Variants in SLCO1A2 observed in about 807,000 individuals in gnomAD.
SLCO1A2 encodes the protein solute carrier organic anion transporter family member 1A2, also known as OATP-1.
Under a neutral mutation model 69.0 loss-of-function variants are expected in SLCO1A2, and 67 were observed. The ratio of observed to expected loss-of-function variants is 0.97; its 90% CI spans 0.80 to 1.19. SLCO1A2 has a LOEUF of 1.19. Ranked by LOEUF, SLCO1A2 falls within the 50% of genes most tolerant of loss-of-function variation. The pLI is 0.00. For missense variants in SLCO1A2, 787 were observed against 793.7 expected, an observed-to-expected ratio of 0.99 and a Z score of 0.10; for synonymous variants, 260 against 265.9, an observed-to-expected ratio of 0.98 and a Z score of 0.22.
intron 1 of SLCO1A2, among the ~76,000 whole-genome samples, chr12:21,382,349 C>A (rs535534722): frequency 2.6e-5 from 4 of 151,864 alleles, no homozygotes; most frequent in South Asian, 2.1e-4. Context: ...TGAGAGGGGG[C>A]CAGGAATAAA....
intron 14 of SLCO1A2, chr12:21,274,033 G>T (rs4149005): frequency 0.28 from 42,310 of 152,438 alleles, 7,325 homozygotes; most frequent in African/African-American, 0.5. Flanking sequence ...TCAGCAAAAT[G>T]TAAAGAGGGA....
intron 11 of SLCO1A2, among the ~76,000 whole-genome samples, chr12:21,293,170 G>A (rs1947161619): frequency 6.6e-6 from 1 of 152,088 alleles, no homozygotes; most frequent in African/African-American, 2.4e-5. Flanking sequence ...GGGCATGGTG[G>A]CATGTGCCTG....
chr12:21,411,448 T>C (rs1435963215), intron 1 of SLCO1A2, among the ~76,000 whole-genome samples: 4 of 152,178 alleles, frequency 2.6e-5, no homozygotes, highest in African/African-American at 4.8e-5. Context: ...TCTGGGCTCA[T>C]TCTATTACAC....
intron 12 of SLCO1A2, among the ~76,000 whole-genome samples, chr12:21,284,560 T>G (rs1945406276): frequency 6.6e-6 from 1 of 150,386 alleles, no homozygotes; most frequent in Non-Finnish European, 1.5e-5. Context: ...TACATTTTTT[T>G]CAGCACCACA....
chr12:21,407,048 G>T (rs1941833384), intron 1 of SLCO1A2, among the ~76,000 whole-genome samples: 1 of 152,040 alleles, frequency 6.6e-6, no homozygotes, highest in African/African-American at 2.4e-5. Flanking sequence ...TTCATCTTCT[G>T]TCAAGATCAT....
At chr12:21,327,179 C>T (rs575947200) in intron 2 of SLCO1A2, among the ~76,000 whole-genome samples, 199 of 152,254 alleles carry the variant, frequency 1.3e-3, no homozygotes, top group Non-Finnish European at 2.5e-3. Flanking sequence ...TTTGGTTGGG[C>T]CTGCAGGTGC....
chr12:21,277,830 C>T (rs1944147412), intron 12 of SLCO1A2, among the ~76,000 whole-genome samples: 1 of 152,120 alleles, frequency 6.6e-6, no homozygotes, highest in Admixed American at 6.5e-5. Context: ...GGGTAATGCT[C>T]GCTGCTCCCT....
chr12:21,361,106 C>T (rs1170179690), intron 2 of SLCO1A2, among the ~76,000 whole-genome samples: 1 of 152,186 alleles, frequency 6.6e-6, no homozygotes, highest in African/African-American at 2.4e-5. Context: ...GTCCCTGACC[C>T]CTGAGTAGCC....
In SLCO1A2 at chr12:21,314,625, T is replaced by C. The variant is rs1189562857; in HGVS notation, c.259A>G (p.Ile87Val). 3 of 1,613,384 alleles carry C rather than the reference T, an allele frequency of 1.9e-6. No homozygotes were observed. Among genetic ancestry groups the C allele is most frequent in the Non-Finnish European group, 1.7e-6 (2 of 1,179,258 alleles). Reference protein sequence around the residue: ...SYFGTKLHRPIMIGIGCVVMG... With the variant: ...SYFGTKLHRPVMIGIGCVVMG... The stretch of plus-strand genomic sequence containing the variant: ...ACCACACATCCAATGCCAATCATTA[T>C]AGGTCTATGCAGTTTGGTTCCAAAA... Residue 87 changes from isoleucine (I) to valine (V), a missense_variant, in exon 4 of 15, where the codon ATA (isoleucine) becomes GTA (valine). Physicochemically the swap from Ile to Val is conservative, Grantham distance 29. Transcript: ENST00000683939.
chr12:21,353,572 C>T (rs2137020036), intron 2 of SLCO1A2, among the ~76,000 whole-genome samples: 1 of 152,220 alleles, frequency 6.6e-6, no homozygotes, highest in African/African-American at 2.4e-5. Context: ...CTGATTATAT[C>T]CCGTTTGTTC....
At chr12:21,359,176 A>T (rs1480127092) in intron 2 of SLCO1A2, among the ~76,000 whole-genome samples, 1 of 152,196 alleles carries the variant, frequency 6.6e-6, no homozygotes, top group Non-Finnish European at 1.5e-5. Flanking sequence ...ACTTTAAGAA[A>T]GACCATCCCC....
intron 2 of SLCO1A2, among the ~76,000 whole-genome samples, chr12:21,352,684 CT>C (rs1292454502): frequency 2.0e-5 from 3 of 152,238 alleles, no homozygotes; most frequent in Non-Finnish European, 4.4e-5. Context: ...AGTGTTGGCT[CT>C]TCCATCCACA....
intron 1 of SLCO1A2, among the ~76,000 whole-genome samples, chr12:21,401,993 G>A (rs1217759684): frequency 6.6e-6 from 1 of 151,376 alleles, no homozygotes; most frequent in Non-Finnish European, 1.5e-5. Flanking sequence ...CATTCAGCAA[G>A]AAAATAGTAA....
chr12:21,294,078 A>G lies in SLCO1A2; in HGVS notation c.1304T>C (p.Ile435Thr). The change falls in exon 11 of 15, where the codon ATC becomes ACC. Residue 435 changes from isoleucine to threonine, a missense_variant. By Grantham distance (89) the Ile-to-Thr change is moderately conservative. Coordinates refer to ENST00000683939, the MANE Select transcript of SLCO1A2 (RefSeq NM_001386879.1). ...GCAATCCACATTGCAATCAGCAAAGATGTCATTTTCCACATATAAATCTTG... is the reference window on the plus strand; with the variant it reads ...GCAATCCACATTGCAATCAGCAAAGGTGTCATTTTCCACATATAAATCTTG... ...IPQDLYVENDIFADCNVDCNC... is the reference protein window; with the variant it reads ...IPQDLYVENDTFADCNVDCNC... 6.2e-7 allele frequency: 1 copy of G among 1,605,386 alleles called. No homozygotes were observed. The highest frequency in any genetic ancestry group is 1.3e-5 in the African/African-American group (1 of 74,458).
chr12:21,402,757 G>A (rs7967339), intron 1 of SLCO1A2, among the ~76,000 whole-genome samples: 105,662 of 151,936 alleles, frequency 0.7, 36,950 homozygotes, highest in East Asian at 0.83. Context: ...TTGTGACTAA[G>A]GGTTGTGGGG....
intron 2 of SLCO1A2, chr12:21,324,877 C>T (rs934639307): frequency 6.6e-6 from 1 of 152,206 alleles, no homozygotes; most frequent in Non-Finnish European, 1.5e-5. Flanking sequence ...GCTCTCTGCT[C>T]ATAAGTATCT....
At chr12:21,324,388 G>T (rs1053176674) in intron 2 of SLCO1A2, among the ~76,000 whole-genome samples, 7 of 152,136 alleles carry the variant, frequency 4.6e-5, no homozygotes, top group African/African-American at 1.7e-4. Flanking sequence ...TACTTGGCCT[G>T]ATTATTTGCA....
At chr12:21,309,606 TA>T (rs1377223127) in intron 4 of SLCO1A2, among the ~76,000 whole-genome samples, 1 of 151,998 alleles carries the variant, frequency 6.6e-6, no homozygotes, top group Non-Finnish European at 1.5e-5. Flanking sequence ...AATATGGGAG[TA>T]AAATAGGAGT....
At chr12:21,357,191 T>A (rs1938436114) in intron 2 of SLCO1A2, among the ~76,000 whole-genome samples, 1 of 152,056 alleles carries the variant, frequency 6.6e-6, no homozygotes, top group Admixed American at 6.6e-5. Flanking sequence ...GTAAACAGAG[T>A]TATTTCCAAA....
Sources: allele counts gnomAD v4.1 joint callset (sites outside exome capture counted in the v4.1 genomes callset), GRCh38; gene constraint gnomAD v4.1.1; transcripts MANE v1.5; gene names NCBI Gene and HGNC (gene_info 2026-07-23, HGNC 2026-07-21).